Variants in COL23A1 observed in about 807,000 individuals in gnomAD.
The protein encoded by COL23A1 is collagen type XXIII alpha 1 chain.
In COL23A1, 97 loss-of-function variants were observed where a neutral mutation model predicts 99.3. The ratio of observed to expected loss-of-function variants is 0.98; its 90% CI spans 0.83 to 1.16. COL23A1 has a LOEUF of 1.16. Ranked by LOEUF, COL23A1 falls within the 50% of genes most tolerant of loss-of-function variation. COL23A1 has a pLI of 0.00. For synonymous variants in COL23A1, 320 were observed against 308.2 expected (o/e 1.04, Z -0.40); for missense variants, 762 against 757.4 (o/e 1.01, Z -0.07).
chr5:178,337,782 G>A (rs193081532), intron 2 of COL23A1, among the ~76,000 whole-genome samples: 32 of 152,234 alleles, frequency 2.1e-4, no homozygotes, highest in African/African-American at 7.2e-4. Context: ...CACCATTAGC[G>A]TCTGGTGATG....
intron 2 of COL23A1, among the ~76,000 whole-genome samples, chr5:178,381,501 T>G (rs560870950): frequency 1.3e-3 from 195 of 152,302 alleles, no homozygotes; most frequent in Non-Finnish European, 2.3e-3. Context: ...TGGTTTCACC[T>G]GAGCTGTGCT....
intron 2 of COL23A1, among the ~76,000 whole-genome samples, chr5:178,555,111 G>A (rs1762198550): frequency 6.6e-6 from 1 of 152,180 alleles, no homozygotes; most frequent in Non-Finnish European, 1.5e-5. Context: ...CAGCAAAAGT[G>A]TCTTCTCCAC....
intron 1 of COL23A1, among the ~76,000 whole-genome samples, chr5:178,567,248 A>G (rs185969184): frequency 1.3e-5 from 2 of 152,348 alleles, no homozygotes; most frequent in East Asian, 1.9e-4. Flanking sequence ...AGTAACAAGC[A>G]CACACAGTAC....
In COL23A1 at chr5:178,590,243, G is replaced by A; in HGVS notation, c.-46C>T. ...ACTCTCCGAGGGGGCGGTGCTGCTG[G>A]GGCAGAGGCTGGGTGCGAGAGGAGC... is the stretch of plus-strand genomic sequence containing the variant. On this transcript the variant is annotated 5_prime_UTR_variant, in exon 1 of 29. Coordinates refer to ENST00000390654, the MANE Select transcript of COL23A1 (RefSeq NM_173465.4). The surrounding 1 kb of genome is among the most constrained non-coding windows in gnomAD (Gnocchi z 5.7). 8.3e-7 allele frequency: 1 copy of A among 1,202,370 alleles called. No individual in the cohort carries two copies. The highest frequency in any genetic ancestry group is 3.5e-5 in the East Asian group (1 of 28,806). The allele number at this position is 1,202,370 out of a possible 1,614,324, so 74.5% of individuals were successfully genotyped here.
chr5:178,562,736 T>TG (rs569933780), intron 1 of COL23A1: 4,581 of 106,852 alleles, frequency 0.043, 419 homozygotes, highest in South Asian at 0.054. Context: ...TGGCTGGTGG[T>TG]GGGGGGGGTG....
At position 178,439,050 on chromosome 5, in the gene COL23A1, G is replaced by A. The variant is rs1766718686; in HGVS notation, c.361+121632C>T. The A allele has an allele frequency of 6.6e-6, 1 of 152,258 alleles. No individual in the cohort carries two copies. The highest frequency in any genetic ancestry group is 6.5e-5 in the Admixed American group (1 of 15,280). 9.4% of individuals were successfully genotyped at this position (152,258 alleles called of 1,614,324 possible). On this transcript the variant is annotated intron_variant, in intron 2 of 28. Transcript: ENST00000390654. The surrounding 1 kb of genome is among the most constrained non-coding windows in gnomAD (Gnocchi z 4.2). Reference sequence around the variant, plus strand: ...CAGTGTGCATTCAAATCACCTGGGAGCTTGAACCTCTCCATGCCCAGGCTG... The same window carrying A: ...CAGTGTGCATTCAAATCACCTGGGAACTTGAACCTCTCCATGCCCAGGCTG...
intron 2 of COL23A1, among the ~76,000 whole-genome samples, chr5:178,480,255 C>G (rs1297549193): frequency 6.6e-6 from 1 of 152,110 alleles, no homozygotes; most frequent in Non-Finnish European, 1.5e-5. Flanking sequence ...AGATTATTCT[C>G]CAAACCAAAC....
chr5:178,536,709 G>A (rs1363386814), intron 2 of COL23A1, among the ~76,000 whole-genome samples: 2 of 152,162 alleles, frequency 1.3e-5, no homozygotes, highest in South Asian at 2.1e-4. Context: ...TATGCGGCTC[G>A]GTCCCATTCT....
chr5:178,430,290 G>A (rs1017776707), intron 2 of COL23A1, among the ~76,000 whole-genome samples: 4 of 152,092 alleles, frequency 2.6e-5, no homozygotes, highest in Non-Finnish European at 4.4e-5. Flanking sequence ...CTTCACTGGG[G>A]CCCCAGGTTC....
intron 2 of COL23A1, among the ~76,000 whole-genome samples, chr5:178,546,982 G>A (rs374779072): frequency 2.0e-5 from 3 of 152,194 alleles, no homozygotes; most frequent in East Asian, 1.9e-4. Flanking sequence ...GAAGCCGCTC[G>A]CATGCAGAGT....
At chr5:178,532,886 G>A (rs1760727949) in intron 2 of COL23A1, among the ~76,000 whole-genome samples, 1 of 152,126 alleles carries the variant, frequency 6.6e-6, no homozygotes, top group Non-Finnish European at 1.5e-5. Context: ...GAGAGGCCTC[G>A]CCAGAACCCG....
Position 178,238,290 on chromosome 5 carries a change from C to A in COL23A1, c.*408G>T. 5.9e-6 allele frequency: 1 copy of A among 168,888 alleles called. No homozygotes were observed. Among genetic ancestry groups the A allele is most frequent in the Non-Finnish European group, 1.3e-5 (1 of 77,852 alleles). 10.5% of individuals were successfully genotyped at this position (168,888 alleles called of 1,614,324 possible). A position where few individuals can be genotyped will look rare whatever the true frequency, so the allele number is the denominator to read the frequency against. Reference sequence around the variant, plus strand: ...GAGCAACAGCAGCCGCTGTTCCACCCCTGGGTCTTCTTGGATAGGGTGTGT... The same window carrying A: ...GAGCAACAGCAGCCGCTGTTCCACCACTGGGTCTTCTTGGATAGGGTGTGT... On this transcript the variant is annotated 3_prime_UTR_variant, in exon 29 of 29. Transcript: ENST00000390654.
intron 2 of COL23A1, among the ~76,000 whole-genome samples, chr5:178,557,899 A>G (rs1351762634): frequency 1.3e-5 from 2 of 152,024 alleles, no homozygotes; most frequent in Non-Finnish European, 2.9e-5. Context: ...GACAGGAGAG[A>G]AAGTGCAGGC....
At chr5:178,311,115 G>A (rs1169386306) in intron 2 of COL23A1, among the ~76,000 whole-genome samples, 1 of 152,186 alleles carries the variant, frequency 6.6e-6, no homozygotes, top group African/African-American at 2.4e-5. Context: ...CTAGGGGCTG[G>A]CTGCTGGGGA....
intron 2 of COL23A1, among the ~76,000 whole-genome samples, chr5:178,414,524 C>A (rs936337752): frequency 1.3e-5 from 2 of 152,092 alleles, no homozygotes; most frequent in African/African-American, 4.8e-5. Context: ...GTGATCCCAG[C>A]ACTGTGGGAG....
chr5:178,500,023 A>AGT (rs1298592398), intron 2 of COL23A1, among the ~76,000 whole-genome samples: 7 of 152,210 alleles, frequency 4.6e-5, no homozygotes, highest in African/African-American at 1.7e-4. Context: ...TTATAGTAAC[A>AGT]GAAAGTTGGT....
intron 2 of COL23A1, among the ~76,000 whole-genome samples, chr5:178,442,389 G>A (rs1314132829): frequency 6.6e-6 from 1 of 152,190 alleles, no homozygotes; most frequent in Non-Finnish European, 1.5e-5. Context: ...ATCTCCACAT[G>A]ATTTAAAATG....
At chr5:178,480,017 G>A (rs1374281542) in intron 2 of COL23A1, among the ~76,000 whole-genome samples, 1 of 152,032 alleles carries the variant, frequency 6.6e-6, no homozygotes, top group African/African-American at 2.4e-5. Flanking sequence ...AAAACGGTAG[G>A]TATGTGTGTA....
chr5:178,325,122 C>G (rs1376690732), intron 2 of COL23A1, among the ~76,000 whole-genome samples: 1 of 152,224 alleles, frequency 6.6e-6, no homozygotes, highest in Non-Finnish European at 1.5e-5. Context: ...AGACGCTGAA[C>G]TTCTGTCCCC....
Sources: allele counts gnomAD v4.1 joint callset (sites outside exome capture counted in the v4.1 genomes callset), GRCh38; gene constraint gnomAD v4.1.1; non-coding constraint Gnocchi (gnomAD v3.1); transcripts MANE v1.5; gene names NCBI Gene and HGNC (gene_info 2026-07-23, HGNC 2026-07-21).